PLEKHM3: variants seen among roughly 807,000 people sequenced by gnomAD.
PLEKHM3 encodes the protein pleckstrin homology domain containing M3, also known as pleckstrin homology domain-containing family M member 3.
A neutral mutation model predicts 81.8 loss-of-function variants in PLEKHM3; 45 were observed. That is an observed-to-expected ratio of 0.55 (90% CI 0.43 to 0.71). The LOEUF (loss-of-function observed/expected upper bound fraction) is 0.71, where lower values mean the gene tolerates loss of function less well. Among genes scored for constraint, PLEKHM3 ranks in the 30% least tolerant of loss-of-function variants. The pLI, the probability that PLEKHM3 is intolerant of heterozygous loss-of-function variation, is 0.00. For missense variants in PLEKHM3, 788 were observed against 924.3 expected, an observed-to-expected ratio of 0.85 and a Z score of 1.91; for synonymous variants, 352 against 356.4, an observed-to-expected ratio of 0.99 and a Z score of 0.14.
chr2:207,896,378 A>G (rs1471528), intron 6 of PLEKHM3, among the ~76,000 whole-genome samples: 1 of 151,440 alleles, frequency 6.6e-6, no homozygotes, highest in Non-Finnish European at 1.5e-5. Flanking sequence ...AAGATGCCAT[A>G]CATCTTTAAC....
At chr2:207,953,823 A>C (rs1434277926) in intron 3 of PLEKHM3, among the ~76,000 whole-genome samples, 12 of 129,562 alleles carry the variant, frequency 9.3e-5, no homozygotes, top group Admixed American at 1.5e-4. Context: ...GACTCTGTCT[A>C]CAAAAAAAAA....
intron 2 of PLEKHM3, among the ~76,000 whole-genome samples, chr2:207,993,752 AAC>A (rs1397521049): frequency 6.6e-6 from 1 of 152,108 alleles, no homozygotes; most frequent in African/African-American, 2.4e-5. Context: ...TGAAAATGTG[AAC>A]ACAGTCAGGA....
chr2:207,839,250 G>A (rs913287564), intron 7 of PLEKHM3, among the ~76,000 whole-genome samples: 13 of 151,880 alleles, frequency 8.6e-5, no homozygotes, highest in Admixed American at 7.9e-4. Context: ...TCAAGCATGG[G>A]TACATTAGAA....
At chr2:207,915,618 T>C (rs896250451) in intron 5 of PLEKHM3, among the ~76,000 whole-genome samples, 1 of 152,142 alleles carries the variant, frequency 6.6e-6, no homozygotes, top group South Asian at 2.1e-4. Context: ...AAACTTGCAA[T>C]GGAAATATCT....
intron 3 of PLEKHM3, among the ~76,000 whole-genome samples, chr2:207,955,542 A>G (rs1277618025): frequency 1.3e-5 from 2 of 152,240 alleles, no homozygotes; most frequent in Non-Finnish European, 2.9e-5. Flanking sequence ...ATATGTAAAT[A>G]CATGTGTATG....
intron 2 of PLEKHM3, among the ~76,000 whole-genome samples, chr2:207,986,105 T>C (rs183680478): frequency 3.3e-5 from 5 of 152,084 alleles, no homozygotes; most frequent in East Asian, 3.9e-4. Context: ...CCCACAGGAA[T>C]AGGATTCTGA....
rs1403670583 is a variant in PLEKHM3, at chr2:207,956,679, AAGGTTAC to A, written c.1547-10174_1547-10168del. Among the ~76,000 whole-genome samples, 3 of 149,766 alleles carry A rather than the reference AAGGTTAC, an allele frequency of 2.0e-5. No individual in the cohort carries two copies. In the South Asian group the frequency reaches 6.3e-4, roughly 32 times the overall value. On this transcript the variant is annotated intron_variant, in intron 3 of 7. Coordinates refer to ENST00000427836, the MANE Select transcript of PLEKHM3 (RefSeq NM_001080475.3). ...TCCCACCTCAGCCTCCTGGGTATCA[AAGGTTAC>A]AGGTGCATGCCACCACACCTGGCTG...
intron 2 of PLEKHM3, among the ~76,000 whole-genome samples, chr2:207,978,722 A>G (rs1691413500): frequency 6.6e-6 from 1 of 152,110 alleles, no homozygotes; most frequent in African/African-American, 2.4e-5. Context: ...GGCTTCAATC[A>G]GCAACTGCAC....
At chr2:207,972,601 A>AG (rs1691165566) in intron 3 of PLEKHM3, among the ~76,000 whole-genome samples, 1 of 151,814 alleles carries the variant, frequency 6.6e-6, no homozygotes. Flanking sequence ...AAAAAAAAAA[A>AG]AAAAGAAGAC....
chr2:208,014,300 C>T (rs1692800886), intron 1 of PLEKHM3, among the ~76,000 whole-genome samples: 1 of 152,228 alleles, frequency 6.6e-6, no homozygotes, highest in East Asian at 1.9e-4. Flanking sequence ...AGAAGAATCT[C>T]TGCCCATCAC....
Position 207,977,214 on chromosome 2 carries a change from C to T in PLEKHM3, c.983G>A (p.Gly328Asp). Residue 328 changes from glycine to aspartate, a missense_variant, in exon 3 of 8, where the codon GGC becomes GAC. Physicochemically the swap from Gly to Asp is moderately conservative, Grantham distance 94. Transcript: ENST00000427836. ...QNELTISPGL[G>D]HHDDYTQNHS... The stretch of plus-strand genomic sequence containing the variant: ...ATTCTGTGTATAGTCATCATGATGG[C>T]CAAGCCCTGGTGAGATTGTCAGCTC... 5 of 1,614,170 alleles carry T rather than the reference C, an allele frequency of 3.1e-6. No homozygotes were observed. Among genetic ancestry groups the T allele is most frequent in the Non-Finnish European group, 4.2e-6 (5 of 1,180,010 alleles).
intron 7 of PLEKHM3, among the ~76,000 whole-genome samples, chr2:207,844,476 T>G (rs6755792): frequency 0.33 from 48,893 of 149,470 alleles, 8,439 homozygotes; most frequent in African/African-American, 0.43. Context: ...AGAATTTTTT[T>G]TTTTTTTTTT....
At chr2:207,982,949 C>G (rs1436737433) in intron 2 of PLEKHM3, among the ~76,000 whole-genome samples, 4 of 151,868 alleles carry the variant, frequency 2.6e-5, no homozygotes, top group African/African-American at 9.7e-5. Context: ...ATACATATAA[C>G]ATACAAAATA....
intron 6 of PLEKHM3, among the ~76,000 whole-genome samples, chr2:207,872,559 C>A (rs562554258): frequency 6.6e-6 from 1 of 152,122 alleles, no homozygotes; most frequent in Non-Finnish European, 1.5e-5. Flanking sequence ...CCGAGGCGGC[C>A]GGGCGCAGTG....
At chr2:207,866,081 A>G (rs964151585) in intron 6 of PLEKHM3, among the ~76,000 whole-genome samples, 1 of 151,664 alleles carries the variant, frequency 6.6e-6, no homozygotes, top group African/African-American at 2.4e-5. Flanking sequence ...CTTTTTTCTT[A>G]GATCCATCAT....
chr2:208,013,558 A>C (rs981337617), intron 1 of PLEKHM3, among the ~76,000 whole-genome samples: 1 of 152,110 alleles, frequency 6.6e-6, no homozygotes, highest in Non-Finnish European at 1.5e-5. Flanking sequence ...TTCTTGCATG[A>C]AGCTGTCAGC....
intron 6 of PLEKHM3, among the ~76,000 whole-genome samples, chr2:207,865,831 T>C (rs935383924): frequency 1.8e-5 from 2 of 113,460 alleles, no homozygotes; most frequent in Non-Finnish European, 3.6e-5. Flanking sequence ...TATATATATA[T>C]ATATATACTT....
intron 2 of PLEKHM3, among the ~76,000 whole-genome samples, chr2:207,982,740 G>A (rs1310655588): frequency 3.3e-5 from 5 of 151,380 alleles, no homozygotes; most frequent in African/African-American, 7.3e-5. Context: ...CACCATGCCC[G>A]GCTTATTTTT....
intron 6 of PLEKHM3, among the ~76,000 whole-genome samples, chr2:207,899,345 T>A (rs916970737): frequency 6.6e-6 from 1 of 152,186 alleles, no homozygotes; most frequent in Non-Finnish European, 1.5e-5. Flanking sequence ...CATCACCAAG[T>A]GGAACAGAAT....
Sources: gnomAD v4.1 joint callset for allele counts (sites outside exome capture counted in the v4.1 genomes callset) on GRCh38, gnomAD v4.1.1 for gene constraint, MANE v1.5 for transcripts, NCBI Gene and HGNC (gene_info 2026-07-23, HGNC 2026-07-21) for gene names.